CDH13: variants seen among roughly 807,000 people sequenced by gnomAD.
CDH13 encodes the protein cadherin-13.
Under a neutral mutation model 63.8 loss-of-function variants are expected in CDH13, and 24 were observed. The ratio of observed to expected loss-of-function variants is 0.38; its 90% CI spans 0.27 to 0.53. CDH13 has a LOEUF of 0.53. Ranked by LOEUF, CDH13 falls within the 20% of genes least tolerant of loss-of-function variation. The probability of loss-of-function intolerance (pLI) is 0.85; values close to 1 mark genes in which losing one functional copy is unlikely to be tolerated. For missense variants in CDH13, 1,049 were observed against 903.1 expected (o/e 1.16, Z -2.07); for synonymous variants, 503 against 355.3 (o/e 1.42, Z -4.67).
At chr16:82,683,190 T>C (rs1203347752) in intron 1 of CDH13, among the ~76,000 whole-genome samples, 1 of 152,218 alleles carries the variant, frequency 6.6e-6, no homozygotes, top group African/African-American at 2.4e-5. Flanking sequence ...TTACTAAACC[T>C]TCCCTGTCTC....
At chr16:83,660,938 A>G (rs1034842620) in intron 8 of CDH13, among the ~76,000 whole-genome samples, 10 of 150,560 alleles carry the variant, frequency 6.6e-5, no homozygotes, top group African/African-American at 2.2e-4. Context: ...AGAAAAAAAA[A>G]TGTAGGCATA....
At chr16:82,811,054 T>C (rs1055163229) in intron 1 of CDH13, among the ~76,000 whole-genome samples, 1 of 152,164 alleles carries the variant, frequency 6.6e-6, no homozygotes, top group Non-Finnish European at 1.5e-5. Flanking sequence ...AATTACGATA[T>C]AAGCTACTTA....
At position 83,552,547 on chromosome 16, in the gene CDH13, G is replaced by C. The variant is rs541452022; in HGVS notation, c.961-49907G>C. 2.0e-4 allele frequency among the ~76,000 whole-genome samples: 31 copies of C among 152,296 alleles called. No individual in the cohort carries two copies. The South Asian group carries it at 5.4e-3, about 26-fold the overall frequency. On this transcript the variant is annotated intron_variant, in intron 7 of 13. Coordinates refer to ENST00000567109, the MANE Select transcript of CDH13 (RefSeq NM_001257.5). ...TACCGCAGAATATAGAGACAGAAGAGATTCACACTGAAAGTGCAAATTACT... is the reference window on the plus strand; with the variant it reads ...TACCGCAGAATATAGAGACAGAAGACATTCACACTGAAAGTGCAAATTACT...
chr16:82,984,080 A>T (rs1356094013), intron 2 of CDH13, among the ~76,000 whole-genome samples: 1 of 152,228 alleles, frequency 6.6e-6, no homozygotes, highest in East Asian at 1.9e-4. Context: ...CAGTTTTCTA[A>T]ACCTGGCAGG....
intron 7 of CDH13, among the ~76,000 whole-genome samples, chr16:83,529,840 C>T (rs1431746739): frequency 2.0e-5 from 3 of 152,010 alleles, no homozygotes; most frequent in South Asian, 2.1e-4. Flanking sequence ...GATTATGGAG[C>T]GCTAATGTTT....
intron 4 of CDH13, among the ~76,000 whole-genome samples, chr16:83,128,127 C>T (rs542205478): frequency 2.6e-5 from 4 of 152,328 alleles, no homozygotes; most frequent in African/African-American, 9.6e-5. Context: ...TCAGAATCAG[C>T]AGAGACACTT....
chr16:82,636,800 G>C (rs564100644), intron 1 of CDH13, among the ~76,000 whole-genome samples: 103 of 152,330 alleles, frequency 6.8e-4, no homozygotes, highest in African/African-American at 2.3e-3. Context: ...TGTAGCTCTT[G>C]CCAATTTCTG....
At chr16:83,391,670 C>G (rs879278633) in intron 6 of CDH13, among the ~76,000 whole-genome samples, 19 of 152,134 alleles carry the variant, frequency 1.2e-4, no homozygotes, top group Admixed American at 8.5e-4. Context: ...GGGTCACCAC[C>G]AACACATTGC....
In CDH13 at chr16:83,496,229, T is replaced by C. The variant is rs570653168; in HGVS notation, c.960+9574T>C. On this transcript the variant is annotated intron_variant, in intron 7 of 13. Coordinates refer to ENST00000567109, the MANE Select transcript of CDH13 (RefSeq NM_001257.5). Reference sequence around the variant, plus strand: ...CAATCCTAAGCCAAAAGAACAAAGCTGGAGGCATCACACTACCTGACTTCA... The same window carrying C: ...CAATCCTAAGCCAAAAGAACAAAGCCGGAGGCATCACACTACCTGACTTCA... Among the ~76,000 whole-genome samples, 208 of 151,012 alleles carry C rather than the reference T, an allele frequency of 1.4e-3. 5 individuals are homozygous for C. The South Asian group carries it at 0.04, about 29-fold the overall frequency.
At chr16:82,652,706 GTTT>G (rs10719140) in intron 1 of CDH13, among the ~76,000 whole-genome samples, 1 of 120,996 alleles carries the variant, frequency 8.3e-6, no homozygotes, top group Non-Finnish European at 1.8e-5. Flanking sequence ...ACCTAGAATT[GTTT>G]TTTTTTTTTT....
intron 7 of CDH13, among the ~76,000 whole-genome samples, chr16:83,589,278 TCCCC>T (rs61578149): frequency 1.4e-5 from 1 of 71,296 alleles, no homozygotes. Flanking sequence ...TTTCTCCCTT[TCCCC>T]CCCCCGGACC....
chr16:83,007,622 G>C (rs1453239251), intron 2 of CDH13, among the ~76,000 whole-genome samples: 1 of 152,066 alleles, frequency 6.6e-6, no homozygotes, highest in Non-Finnish European at 1.5e-5. Flanking sequence ...TTGAGTCCAG[G>C]AGTTTGAGAC....
At position 83,620,701 on chromosome 16, in the gene CDH13, A is replaced by G. The variant is rs141758880; in HGVS notation, c.1101+18107A>G. Among the ~76,000 whole-genome samples, 143 of 152,294 alleles carry G rather than the reference A, an allele frequency of 9.4e-4. 1 individual carries two copies. In the East Asian group the frequency reaches 0.027, roughly 28 times the overall value. ...AGGGTCTTGTTGTCCCTCCACGTAG[A>G]TGAGGAAACTGAGGTTAAGTGGCAC... is the stretch of plus-strand genomic sequence containing the variant. On this transcript the variant is annotated intron_variant, in intron 8 of 13. Transcript: ENST00000567109.
chr16:82,974,032 G>C (rs1056213237), intron 2 of CDH13, among the ~76,000 whole-genome samples: 1 of 152,050 alleles, frequency 6.6e-6, no homozygotes, highest in African/African-American at 2.4e-5. Context: ...CGATTCTCCT[G>C]CCTCAGCCTC....
At chr16:82,824,665 A>G (rs2038159729) in intron 1 of CDH13, 1 of 152,344 alleles carries the variant, frequency 6.6e-6, no homozygotes, top group Middle Eastern at 3.4e-3. Flanking sequence ...CAATCTGCGA[A>G]CTTCCACTGT....
In CDH13 at chr16:83,266,609, T is replaced by TA. The variant is rs1477729891; in HGVS notation, c.636+49118dup. 2.6e-5 allele frequency among the ~76,000 whole-genome samples: 4 copies of TA among 152,132 alleles called. No individual in the cohort carries two copies. The East Asian group carries it at 5.8e-4, about 22-fold the overall frequency. ...CCCTCTTCACACTCCAGGGAATACC[T>TA]AAAAAATGGAAAAGGTAGACTGTGC... On this transcript the variant is annotated intron_variant, in intron 5 of 13. Transcript: ENST00000567109.
intron 1 of CDH13, among the ~76,000 whole-genome samples, chr16:82,655,837 C>T (rs112793170): frequency 1.3e-5 from 2 of 152,096 alleles, no homozygotes; most frequent in Admixed American, 6.6e-5. Context: ...TAGGCAAGGT[C>T]GCCCAGATAG....
chr16:83,188,538 C>A (rs896866026), intron 4 of CDH13, among the ~76,000 whole-genome samples: 2 of 152,164 alleles, frequency 1.3e-5, no homozygotes, highest in African/African-American at 4.8e-5. Flanking sequence ...AGCTCAGAGA[C>A]ATTCAGGGAT....
intron 5 of CDH13, among the ~76,000 whole-genome samples, chr16:83,271,219 A>G (rs1408040527): frequency 2.0e-5 from 3 of 151,860 alleles, no homozygotes; most frequent in Non-Finnish European, 4.4e-5. Flanking sequence ...CAACTGAATC[A>G]CATATTGTAT....
Sources: gnomAD v4.1 joint callset for allele counts (sites outside exome capture counted in the v4.1 genomes callset) on GRCh38, gnomAD v4.1.1 for gene constraint, MANE v1.5 for transcripts, NCBI Gene and HGNC (gene_info 2026-07-23, HGNC 2026-07-21) for gene names.